SCN11A: variants seen among roughly 807,000 people sequenced by gnomAD.
The protein encoded by SCN11A is sodium channel protein type 11 subunit alpha.
In SCN11A, 122 loss-of-function variants were observed where a neutral mutation model predicts 162.2. The ratio of observed to expected loss-of-function variants is 0.75; its 90% CI spans 0.65 to 0.87. The LOEUF is 0.87. Among genes scored for constraint, SCN11A ranks in the 40% least tolerant of loss-of-function variants. SCN11A has a pLI of 0.00. For synonymous variants in SCN11A, 758 were observed against 751.5 expected (o/e 1.01, Z -0.14); for missense variants, 2,015 against 2,181.6 (o/e 0.92, Z 1.52).
intron 7 of SCN11A, among the ~76,000 whole-genome samples, chr3:38,935,072 A>T (rs2066308277): frequency 6.6e-6 from 1 of 152,130 alleles, no homozygotes; most frequent in African/African-American, 2.4e-5. Context: ...GGATTAAGAA[A>T]CTCACTCAAA....
Position 38,885,268 on chromosome 3 carries a change from G to A in SCN11A, c.3064+20C>T, listed in dbSNP as rs748827792. The A allele has an allele frequency of 1.5e-6, 2 of 1,344,142 alleles. No individual in the cohort carries two copies. The highest frequency in any genetic ancestry group is 1.7e-5 in the Admixed American group (1 of 59,656). 83.3% of individuals were successfully genotyped at this position (1,344,142 alleles called of 1,614,324 possible). A position where few individuals can be genotyped will look rare whatever the true frequency, so the allele number is the denominator to read the frequency against. On this transcript the variant is annotated intron_variant, in intron 21 of 29. Transcript: ENST00000302328. ...CATCCAAAGATTCTGTGAACTGGAT[G>A]CAGAAATACTGCCACTTACCTTTGG... is the stretch of plus-strand genomic sequence containing the variant.
At chr3:38,895,944 T>C (rs2065590202) in intron 18 of SCN11A, among the ~76,000 whole-genome samples, 1 of 152,168 alleles carries the variant, frequency 6.6e-6, no homozygotes, top group Non-Finnish European at 1.5e-5. Context: ...TTAATTATAT[T>C]GCACTATAAC....
chr3:38,895,438 C>T (rs1372954729), intron 18 of SCN11A, among the ~76,000 whole-genome samples: 1 of 152,180 alleles, frequency 6.6e-6, no homozygotes, highest in Non-Finnish European at 1.5e-5. Context: ...GTTGCCCTAA[C>T]CTTAGTAACG....
chr3:38,939,749 C>A (rs1300412021), intron 7 of SCN11A, among the ~76,000 whole-genome samples: 1 of 151,712 alleles, frequency 6.6e-6, no homozygotes, highest in African/African-American at 2.4e-5. Context: ...ACTAAAAATA[C>A]AAAATTAGCC....
Position 39,050,513 on chromosome 3 carries a change from A to G in SCN11A, c.-404+1348T>C, listed in dbSNP as rs140004166. On this transcript the variant is annotated intron_variant, in intron 1 of 29. Coordinates refer to ENST00000302328, the MANE Select transcript of SCN11A (RefSeq NM_001349253.2). ...CCTGTAATGATGCAGTAATTTACCT[A>G]TAAGTTATCACTGCCAGTTTTGCTT... 7.3e-3 allele frequency among the ~76,000 whole-genome samples: 1,110 copies of G among 152,332 alleles called. 13 individuals are homozygous for G. The highest frequency in any genetic ancestry group is 0.023 in the Admixed American group (347 of 15,304).
intron 2 of SCN11A, among the ~76,000 whole-genome samples, chr3:38,995,024 T>A (rs1250442333): frequency 6.6e-6 from 1 of 152,128 alleles, no homozygotes; most frequent in Non-Finnish European, 1.5e-5. Context: ...ACAGACACAC[T>A]TCCTGGGAAG....
intron 2 of SCN11A, among the ~76,000 whole-genome samples, chr3:39,018,745 G>A (rs943025674): frequency 1.3e-5 from 2 of 152,156 alleles, no homozygotes; most frequent in African/African-American, 2.4e-5. Context: ...GTGAACCCGG[G>A]AGGCAGAGCT....
At chr3:39,051,755 C>T (rs2032389933) in intron 1 of SCN11A, among the ~76,000 whole-genome samples, 106 bp downstream of exon 1, 1 of 152,152 alleles carries the variant, frequency 6.6e-6, no homozygotes, top group Non-Finnish European at 1.5e-5. Context: ...AAGCCAGGGT[C>T]TAGGACCACA....
intron 14 of SCN11A, among the ~76,000 whole-genome samples, chr3:38,907,307 T>C (rs2065807807): frequency 2.7e-5 from 1 of 36,422 alleles, no homozygotes; most frequent in African/African-American, 7.3e-5. Flanking sequence ...TATACCAACA[T>C]ATATGTGTGT....
At chr3:39,020,558 T>C (rs1402761476) in intron 2 of SCN11A, among the ~76,000 whole-genome samples, 3 of 152,334 alleles carry the variant, frequency 2.0e-5, no homozygotes, top group Non-Finnish European at 2.9e-5. Context: ...ACCCCAGCTT[T>C]CCTGTCCCTT....
intron 4 of SCN11A, among the ~76,000 whole-genome samples, chr3:38,950,852 T>C (rs2066602133): frequency 6.6e-6 from 1 of 152,166 alleles, no homozygotes; most frequent in South Asian, 2.1e-4. Flanking sequence ...TTTTCTCACA[T>C]CCAGTCAGTA....
At chr3:39,010,944 A>C (rs2031114677) in intron 2 of SCN11A, among the ~76,000 whole-genome samples, 1 of 152,210 alleles carries the variant, frequency 6.6e-6, no homozygotes, top group Admixed American at 6.5e-5. Context: ...TAATATTTAT[A>C]AGAAACAGTG....
At chr3:38,891,133 G>T (rs750615311) in intron 19 of SCN11A, among the ~76,000 whole-genome samples, 1 of 151,952 alleles carries the variant, frequency 6.6e-6, no homozygotes, top group African/African-American at 2.4e-5. Context: ...TATATTTAAA[G>T]AATTAAAAGG....
intron 19 of SCN11A, among the ~76,000 whole-genome samples, chr3:38,891,846 A>T (rs2065505185): frequency 6.6e-6 from 1 of 152,234 alleles, no homozygotes; most frequent in Non-Finnish European, 1.5e-5. Flanking sequence ...CTTACCTCTC[A>T]ACATTGTTAC....
intron 11 of SCN11A, among the ~76,000 whole-genome samples, chr3:38,915,896 T>C (rs556047848): frequency 1.3e-5 from 2 of 152,180 alleles, no homozygotes; most frequent in African/African-American, 4.8e-5. Context: ...ATACTGTCAG[T>C]GCTGTGTTGA....
intron 3 of SCN11A, among the ~76,000 whole-genome samples, chr3:38,955,788 C>A (rs1473869821): frequency 1.3e-5 from 2 of 152,042 alleles, no homozygotes; most frequent in Non-Finnish European, 2.9e-5. Context: ...TACTCCCAAA[C>A]AATGAAAAGA....
intron 23 of SCN11A, among the ~76,000 whole-genome samples, chr3:38,878,396 C>T (rs2065255431): frequency 6.6e-6 from 1 of 151,866 alleles, no homozygotes; most frequent in South Asian, 2.1e-4. Context: ...AAATGTTTTG[C>T]TTAAGGTTAC....
intron 2 of SCN11A, among the ~76,000 whole-genome samples, chr3:38,984,510 C>A (rs1344340717): frequency 2.0e-5 from 3 of 149,146 alleles, no homozygotes; most frequent in Admixed American, 1.3e-4. Context: ...GAAATTTGTG[C>A]TGAGCTTTTT....
At chr3:39,005,388 G>T (rs1234609697) in intron 2 of SCN11A, among the ~76,000 whole-genome samples, 1 of 152,198 alleles carries the variant, frequency 6.6e-6, no homozygotes. Flanking sequence ...GATCTCCCCA[G>T]ACATTGGCAA....
Sources: allele counts gnomAD v4.1 joint callset (sites outside exome capture counted in the v4.1 genomes callset), GRCh38; gene constraint gnomAD v4.1.1; transcripts MANE v1.5; gene names NCBI Gene and HGNC (gene_info 2026-07-23, HGNC 2026-07-21).